RNF121: variants seen among roughly 807,000 people sequenced by gnomAD.
RNF121 encodes the protein ring finger protein 121.
In RNF121, 21 loss-of-function variants were observed where a neutral mutation model predicts 46.5. The observed-to-expected ratio is 0.45, with a 90% confidence interval of 0.32 to 0.65. RNF121 has a LOEUF of 0.65. RNF121 is among the 30% of genes least tolerant of loss of function. RNF121 has a pLI of 0.04. For missense variants in RNF121, 346 were observed against 416.0 expected, an observed-to-expected ratio of 0.83 and a Z score of 1.46; for synonymous variants, 139 against 144.7, an observed-to-expected ratio of 0.96 and a Z score of 0.28.
chr11:71,975,929 T>TA (rs1337014227), intron 3 of RNF121, among the ~76,000 whole-genome samples: 1 of 152,130 alleles, frequency 6.6e-6, no homozygotes, highest in African/African-American at 2.4e-5. Flanking sequence ...TGGCCTGACT[T>TA]ATGTGGTAAG....
At chr11:71,966,802 T>G (rs1048920866) in intron 3 of RNF121, among the ~76,000 whole-genome samples, 9 of 151,870 alleles carry the variant, frequency 5.9e-5, no homozygotes, top group Non-Finnish European at 1.2e-4. Flanking sequence ...GTTTTTTAAA[T>G]AACATGTTTA....
chr11:71,964,372 T>A (rs939722033), intron 3 of RNF121, among the ~76,000 whole-genome samples: 2 of 152,240 alleles, frequency 1.3e-5, no homozygotes, highest in African/African-American at 4.8e-5. Context: ...TTTGCTGAAT[T>A]TATTAGCTCT....
chr11:71,947,824 A>G (rs1274354732), intron 1 of RNF121, among the ~76,000 whole-genome samples: 1 of 152,236 alleles, frequency 6.6e-6, no homozygotes, highest in African/African-American at 2.4e-5. Context: ...TGGCAAAGTT[A>G]GAGTCGGGGA....
At chr11:71,946,822 C>T (rs1014584072) in intron 1 of RNF121, among the ~76,000 whole-genome samples, 1 of 150,096 alleles carries the variant, frequency 6.7e-6, no homozygotes, top group Non-Finnish European at 1.5e-5. Context: ...AAGTGGTTCT[C>T]CTGCTTCAGC....
chr11:71,929,945 C>T (rs1055898717), intron 1 of RNF121, among the ~76,000 whole-genome samples: 1 of 152,200 alleles, frequency 6.6e-6, no homozygotes. Flanking sequence ...AAATAAGTGT[C>T]TCTCTCTTCT....
At chr11:71,980,679 A>G (rs373292280) in intron 3 of RNF121, among the ~76,000 whole-genome samples, 6 of 152,260 alleles carry the variant, frequency 3.9e-5, no homozygotes, top group South Asian at 4.1e-4. Context: ...AGAGAAATCT[A>G]TAAGAGAATG....
intron 6 of RNF121, among the ~76,000 whole-genome samples, chr11:71,992,402 A>C (rs574827504): frequency 5.3e-4 from 81 of 152,322 alleles, no homozygotes; most frequent in Non-Finnish European, 9.4e-4. Flanking sequence ...TTTAATATTA[A>C]AAGTGTTTTG....
At chr11:71,949,080 C>G (rs1953799489) in intron 1 of RNF121, among the ~76,000 whole-genome samples, 1 of 152,168 alleles carries the variant, frequency 6.6e-6, no homozygotes, top group African/African-American at 2.4e-5. Flanking sequence ...GTGAATACAT[C>G]AAGGGCAAAG....
At chr11:71,967,643 G>A (rs1160445471) in intron 3 of RNF121, among the ~76,000 whole-genome samples, 1 of 151,856 alleles carries the variant, frequency 6.6e-6, no homozygotes. Flanking sequence ...GGATAGTCTC[G>A]ATCTCCTGAC....
intron 4 of RNF121, among the ~76,000 whole-genome samples, chr11:71,986,072 AC>A (rs1277105379): frequency 3.9e-5 from 6 of 152,164 alleles, no homozygotes; most frequent in African/African-American, 1.4e-4. Context: ...AGGAGCATGA[AC>A]AACCCCATTC....
chr11:71,967,163 G>A (rs1421132287), intron 3 of RNF121, among the ~76,000 whole-genome samples: 1 of 150,484 alleles, frequency 6.6e-6, no homozygotes, highest in Non-Finnish European at 1.5e-5. Flanking sequence ...GAGCCACCGC[G>A]CCCGGCCAAT....
intron 1 of RNF121, among the ~76,000 whole-genome samples, chr11:71,956,227 G>A (rs1290899518): frequency 1.3e-5 from 2 of 152,134 alleles, no homozygotes; most frequent in Non-Finnish European, 2.9e-5. Context: ...TATTTCTAAG[G>A]CCTTGTCTCT....
intron 5 of RNF121, among the ~76,000 whole-genome samples, chr11:71,988,034 A>G (rs900411778): frequency 3.3e-5 from 5 of 152,262 alleles, no homozygotes; most frequent in Non-Finnish European, 4.4e-5. Context: ...CTAAGGAAAC[A>G]GTTCTGGAAA....
intron 1 of RNF121, among the ~76,000 whole-genome samples, chr11:71,935,560 C>T (rs1358583683): frequency 6.6e-6 from 1 of 152,200 alleles, no homozygotes; most frequent in Non-Finnish European, 1.5e-5. Flanking sequence ...GTGTTCTCCT[C>T]GAAAGGAAGG....
At chr11:71,942,689 G>T (rs1238780926) in intron 1 of RNF121, among the ~76,000 whole-genome samples, 1 of 151,458 alleles carries the variant, frequency 6.6e-6, no homozygotes, top group Non-Finnish European at 1.5e-5. Flanking sequence ...GCTTGAACCT[G>T]GGAGGCGGAG....
At chr11:71,939,704 A>G (rs769006751) in intron 1 of RNF121, among the ~76,000 whole-genome samples, 7 of 152,122 alleles carry the variant, frequency 4.6e-5, no homozygotes, top group Non-Finnish European at 1.0e-4. Context: ...TGGTGATACA[A>G]CCTCATGTCT....
chr11:71,987,049 C>T lies in RNF121; in HGVS notation c.444C>T (p.Ala148=). The T allele has an allele frequency of 6.2e-7, 1 of 1,613,980 alleles. No homozygotes were observed. The highest frequency in any genetic ancestry group is 1.1e-5 in the South Asian group (1 of 91,074). The change falls in exon 5 of 9, where the codon GCC becomes GCT. Residue 148 remains alanine, a synonymous_variant. Coordinates refer to ENST00000361756, the MANE Select transcript of RNF121 (RefSeq NM_018320.5). Reference sequence around the variant, plus strand: ...TGCTAATCTATAAAATCAGCTATGCCACTGGCATTGTTGGCTACATGGCTG... The same window carrying T: ...TGCTAATCTATAAAATCAGCTATGCTACTGGCATTGTTGGCTACATGGCTG... ...WFLLIYKISY[A]TGIVGYMAVM... is the part of the protein sequence containing the mutation.
At chr11:71,952,726 T>G (rs903085674) in intron 1 of RNF121, among the ~76,000 whole-genome samples, 3 of 152,196 alleles carry the variant, frequency 2.0e-5, no homozygotes, top group African/African-American at 7.2e-5. Flanking sequence ...AGGGAATCAC[T>G]TGAGCCTGGA....
chr11:71,965,982 C>T (rs1291688224), intron 3 of RNF121, among the ~76,000 whole-genome samples: 1 of 152,132 alleles, frequency 6.6e-6, no homozygotes, highest in Non-Finnish European at 1.5e-5. Context: ...CATTTGGCTT[C>T]TTTCAATTAT....
Sources: allele counts gnomAD v4.1 joint callset (sites outside exome capture counted in the v4.1 genomes callset), GRCh38; gene constraint gnomAD v4.1.1; transcripts MANE v1.5; gene names NCBI Gene and HGNC (gene_info 2026-07-23, HGNC 2026-07-21).